PCLO: variants seen among roughly 807,000 people sequenced by gnomAD.
The protein encoded by PCLO is protein piccolo.
In PCLO, 82 loss-of-function variants were observed where a neutral mutation model predicts 427.5. That is an observed-to-expected ratio of 0.19 (90% confidence interval 0.16 to 0.23). The LOEUF (loss-of-function observed/expected upper bound fraction) is 0.23, where lower values mean the gene tolerates loss of function less well. PCLO is among the 10% of genes least tolerant of loss of function. PCLO has a pLI of 1.00. For synonymous variants in PCLO, 2,357 were observed against 2,155.4 expected (o/e 1.09, Z -2.59); for missense variants, 6,239 against 6,115.9 (o/e 1.02, Z -0.67).
intron 3 of PCLO, among the ~76,000 whole-genome samples, chr7:83,050,747 T>TA (rs71522639): frequency 0.59 from 83,968 of 141,462 alleles, 24,838 homozygotes; most frequent in East Asian, 0.82. Flanking sequence ...TACTAAAAAT[T>TA]AAAAAAAAAA....
intron 6 of PCLO, among the ~76,000 whole-genome samples, chr7:82,940,480 T>A (rs6467920): frequency 0.53 from 79,973 of 151,522 alleles, 21,472 homozygotes; most frequent in East Asian, 0.8. Flanking sequence ...GTAGTTAAAA[T>A]GATATATTAG....
chr7:83,106,909 A>C (rs183291712), intron 3 of PCLO, among the ~76,000 whole-genome samples: 269 of 152,196 alleles, frequency 1.8e-3, no homozygotes, highest in African/African-American at 6.2e-3. Flanking sequence ...AGTAAGAAAA[A>C]TATTTAATTT....
At chr7:82,965,316 CTTTTTT>C (rs544516132) in intron 4 of PCLO, among the ~76,000 whole-genome samples, 16 of 123,056 alleles carry the variant, frequency 1.3e-4, no homozygotes, top group African/African-American at 5.0e-4. Flanking sequence ...TTCTTTCTTT[CTTTTTT>C]TTTTTTTTTG....
chr7:83,090,000 T>C (rs970286373), intron 3 of PCLO, among the ~76,000 whole-genome samples: 4 of 152,150 alleles, frequency 2.6e-5, no homozygotes, highest in African/African-American at 9.7e-5. Context: ...ATTTTATCTC[T>C]TACTAATGAA....
chr7:82,987,808 C>T (rs1033026992), intron 3 of PCLO, among the ~76,000 whole-genome samples: 2 of 152,000 alleles, frequency 1.3e-5, no homozygotes, highest in African/African-American at 2.4e-5. Context: ...ATCTTATTTT[C>T]CCCATGTTCT....
rs1562771680 is a variant in PCLO, at chr7:82,757,451, T to C, written c.*1124A>G. On this transcript the variant is annotated 3_prime_UTR_variant, in exon 25 of 25. Transcript: ENST00000333891. ...ATAGAGCACTAGAGAGAACTCGAGT[T>C]TAGTGTCATGTTTTCATGATACAAT... 6.6e-6 allele frequency: 1 copy of C among 152,054 alleles called. No individual in the cohort carries two copies. The highest frequency in any genetic ancestry group is 1.9e-4 in the East Asian group (1 of 5,168). 9.4% of individuals were successfully genotyped at this position (152,054 alleles called of 1,614,324 possible). A position where few individuals can be genotyped will look rare whatever the true frequency, so the allele number is the denominator to read the frequency against.
intron 3 of PCLO, among the ~76,000 whole-genome samples, chr7:83,091,917 G>T (rs1240856184): frequency 6.6e-6 from 1 of 152,104 alleles, no homozygotes; most frequent in East Asian, 1.9e-4. Flanking sequence ...CTTCCTACAT[G>T]CTACAACCAA....
intron 3 of PCLO, among the ~76,000 whole-genome samples, chr7:83,029,258 A>C (rs1342488850): frequency 1.4e-5 from 2 of 142,960 alleles, no homozygotes; most frequent in South Asian, 2.3e-4. Flanking sequence ...AAACAAATTT[A>C]CAAGAAAAAA....
At chr7:82,914,601 C>T in intron 7 of PCLO, 85 bp downstream of exon 7, 1 of 1,317,954 alleles carries the variant, frequency 7.6e-7, no homozygotes, top group Non-Finnish European at 1.1e-6. Context: ...AAGTAGGATA[C>T]ATCTCTGGAG....
chr7:83,069,401 G>A (rs1038620904), intron 3 of PCLO, among the ~76,000 whole-genome samples: 3 of 152,226 alleles, frequency 2.0e-5, no homozygotes, highest in African/African-American at 7.2e-5. Flanking sequence ...TAATTTGATT[G>A]TGGTAATAAT....
At position 83,134,377 on chromosome 7, in the gene PCLO, G is replaced by T; in HGVS notation, c.3173C>A (p.Thr1058Asn). ...KLEKSPKPESTCPLCKTELNI... is the reference protein window; with the variant it reads ...KLEKSPKPESNCPLCKTELNI... ...GAGTTCAGTTTTGCAGAGAGGACAG[G>T]TTGATTCTGGTTTGGGCGATTTCTC... The change falls in exon 3 of 25, where the codon ACC becomes AAC. Residue 1058 changes from threonine to asparagine, a missense_variant. Transcript: ENST00000333891. 1 of 1,613,758 alleles carries T rather than the reference G, an allele frequency of 6.2e-7. No homozygotes were observed. Among genetic ancestry groups the T allele is most frequent in the Non-Finnish European group, 8.5e-7 (1 of 1,179,834 alleles).
At chr7:82,794,837 G>T (rs1791192831) in intron 22 of PCLO, among the ~76,000 whole-genome samples, 1 of 151,918 alleles carries the variant, frequency 6.6e-6, no homozygotes, top group Non-Finnish European at 1.5e-5. Context: ...AAACATGGGA[G>T]ATCCTTATTT....
At chr7:82,948,042 G>A (rs1795244965) in intron 6 of PCLO, among the ~76,000 whole-genome samples, 1 of 152,140 alleles carries the variant, frequency 6.6e-6, no homozygotes, top group South Asian at 2.1e-4. Flanking sequence ...ATATTTCAAA[G>A]TTGTTCACAT....
chr7:83,064,710 G>C (rs1019348078), intron 3 of PCLO, among the ~76,000 whole-genome samples: 1 of 152,026 alleles, frequency 6.6e-6, no homozygotes, highest in African/African-American at 2.4e-5. Flanking sequence ...TGAAAGGACA[G>C]ACAGATTCTC....
At position 82,755,452 on chromosome 7, in the gene PCLO, T is replaced by C. The variant is rs1169997608; in HGVS notation, c.*3123A>G. On this transcript the variant is annotated 3_prime_UTR_variant, in exon 25 of 25. Transcript: ENST00000333891. ...TCTGTAATGACTATTCTATATTCCC[T>C]GTCTTTTGTAAAAAATTCACTCTGT... The C allele has an allele frequency of 6.6e-6, 1 of 152,162 alleles. No individual in the cohort carries two copies. The highest frequency in any genetic ancestry group is 2.4e-5 in the African/African-American group (1 of 41,452). The allele number at this position is 152,162 out of a possible 1,614,324, so 9.4% of individuals were successfully genotyped here.
At position 82,847,199 on chromosome 7, in the gene PCLO, T is replaced by C; in HGVS notation, c.13703A>G (p.Tyr4568Cys). The C allele has an allele frequency of 6.2e-7, 1 of 1,605,656 alleles. No individual in the cohort carries two copies. The highest frequency in any genetic ancestry group is 8.5e-7 in the Non-Finnish European group (1 of 1,175,866). Residue 4568 changes from tyrosine (Y) to cysteine (C), a missense_variant, in exon 11 of 25, where the codon TAT (tyrosine) becomes TGT (cysteine). Tyr to Cys is a radical substitution (Grantham distance 194). Transcript: ENST00000333891. ...WNGIPLTSKT[Y>C]EEVQSIISQQ... The stretch of plus-strand genomic sequence containing the variant: ...ACTAATGATACTCTGAACTTCTTCA[T>C]ATGTTTTAGAAGTCAAGGGAATTCC...
chr7:82,774,761 C>T (rs994859526), intron 22 of PCLO, among the ~76,000 whole-genome samples: 3 of 152,096 alleles, frequency 2.0e-5, no homozygotes, highest in African/African-American at 7.2e-5. Context: ...TCAGTATCGC[C>T]CAAAGTCCAA....
chr7:82,973,226 G>A (rs576053221), intron 3 of PCLO, among the ~76,000 whole-genome samples: 14 of 151,978 alleles, frequency 9.2e-5, no homozygotes, highest in South Asian at 2.1e-4. Flanking sequence ...TGCTTACTCC[G>A]TCCCTTCAAA....
At chr7:83,147,144 T>C (rs967476378) in intron 2 of PCLO, among the ~76,000 whole-genome samples, 2 of 151,716 alleles carry the variant, frequency 1.3e-5, no homozygotes, top group African/African-American at 4.8e-5. Context: ...ATAATGTATA[T>C]GCCTAGGTGT....
Sources: allele counts gnomAD v4.1 joint callset (sites outside exome capture counted in the v4.1 genomes callset), GRCh38; gene constraint gnomAD v4.1.1; transcripts MANE v1.5; gene names NCBI Gene and HGNC (gene_info 2026-07-23, HGNC 2026-07-21).